Variants in GABPB2 observed in about 807,000 individuals in gnomAD.
GABPB2 encodes GA binding protein transcription factor subunit beta 2.
GABPB2 carries 23 observed loss-of-function variants against 39.1 expected under a neutral mutation model. That is an observed-to-expected ratio of 0.59 (90% confidence interval 0.42 to 0.83). GABPB2 has a LOEUF of 0.83. GABPB2 is among the 40% of genes least tolerant of loss of function. The pLI, the probability that GABPB2 is intolerant of heterozygous loss-of-function variation, is 0.00. For missense variants in GABPB2, 467 were observed against 541.1 expected (o/e 0.86, Z 1.36); for synonymous variants, 184 against 199.3 (o/e 0.92, Z 0.65).
At chr1:151,093,418 T>C in intron 4 of GABPB2, 32 bp downstream of exon 4, 2 of 1,488,456 alleles carry the variant, frequency 1.3e-6, no homozygotes, top group South Asian at 2.7e-5. Flanking sequence ...CCAGAATGTA[T>C]GTTAATTGAA....
At chr1:151,077,476 C>T (rs1677272218) in intron 1 of GABPB2, among the ~76,000 whole-genome samples, 1 of 150,966 alleles carries the variant, frequency 6.6e-6, no homozygotes, top group Non-Finnish European at 1.5e-5. Context: ...TCTGCCTCAG[C>T]CTCCTGAGTA....
chr1:151,098,114 C>A, intron 5 of GABPB2, 112 bp downstream of exon 5: 3 of 869,342 alleles, frequency 3.5e-6, no homozygotes, highest in Non-Finnish European at 5.3e-6. Context: ...AAAATATTGC[C>A]AAAGCAGAAG....
chr1:151,089,480 T>C (rs759176300), intron 2 of GABPB2, among the ~76,000 whole-genome samples: 4 of 152,204 alleles, frequency 2.6e-5, no homozygotes, highest in African/African-American at 9.6e-5. Flanking sequence ...GACTTACTTA[T>C]TGCTGTTGAT....
intron 7 of GABPB2, among the ~76,000 whole-genome samples, chr1:151,114,670 C>T (rs1680719756): frequency 6.9e-6 from 1 of 144,254 alleles, no homozygotes; most frequent in African/African-American, 2.6e-5. Flanking sequence ...TGTACTCCAC[C>T]TGGAGACAGA....
At chr1:151,109,438 A>G (rs1421359660) in intron 7 of GABPB2, among the ~76,000 whole-genome samples, 1 of 148,880 alleles carries the variant, frequency 6.7e-6, no homozygotes, top group Non-Finnish European at 1.5e-5. Flanking sequence ...GGCTCACTGC[A>G]ACCTCCACCT....
chr1:151,084,923 C>T (rs1005258396), intron 1 of GABPB2, among the ~76,000 whole-genome samples: 18 of 151,966 alleles, frequency 1.2e-4, no homozygotes, highest in African/African-American at 4.1e-4. Flanking sequence ...GTTGCAGACT[C>T]TGTCTCTACA....
chr1:151,117,259 G>C, intron 7 of GABPB2, 133 bp from the exon 8 acceptor site: 1 of 897,862 alleles, frequency 1.1e-6, no homozygotes, highest in Admixed American at 2.3e-5. Flanking sequence ...TGCCTGAGTA[G>C]CTAGGACCAC....
chr1:151,096,638 C>T (rs1679118165), intron 4 of GABPB2, among the ~76,000 whole-genome samples: 1 of 152,042 alleles, frequency 6.6e-6, no homozygotes. Flanking sequence ...AGCTACTTTT[C>T]ACCAAAATTG....
intron 2 of GABPB2, among the ~76,000 whole-genome samples, chr1:151,089,248 AAAAG>A (rs1319284332): frequency 5.3e-5 from 8 of 152,324 alleles, no homozygotes; most frequent in African/African-American, 1.9e-4. Context: ...GCATTTCACA[AAAAG>A]AAAGAAAAGG....
chr1:151,113,423 C>T (rs1680621406), intron 7 of GABPB2, among the ~76,000 whole-genome samples: 1 of 145,586 alleles, frequency 6.9e-6, no homozygotes, highest in Non-Finnish European at 1.5e-5. Context: ...GAGCAGAGAT[C>T]GTGCCACTGC....
intron 1 of GABPB2, 27 bp from the exon 2 acceptor site, chr1:151,088,163 T>C (rs1464966471): frequency 6.5e-7 from 1 of 1,546,562 alleles, no homozygotes; most frequent in Non-Finnish European, 8.9e-7. Flanking sequence ...TATAGCTACC[T>C]GAAAACTTTT....
At chr1:151,081,570 T>A (rs980799572) in intron 1 of GABPB2, among the ~76,000 whole-genome samples, 2 of 152,030 alleles carry the variant, frequency 1.3e-5, no homozygotes, top group Non-Finnish European at 2.9e-5. Flanking sequence ...AAGAGCATTG[T>A]TTTATATATT....
chr1:151,090,854 AG>A (rs1403899619), intron 3 of GABPB2, among the ~76,000 whole-genome samples: 1 of 151,562 alleles, frequency 6.6e-6, no homozygotes, highest in Admixed American at 6.6e-5. Context: ...AAAAATTAGC[AG>A]GACGTGGTGG....
In GABPB2 at chr1:151,109,914, C is replaced by A. The variant is rs587754991; in HGVS notation, c.922+2692C>A. ...AGTGCAGTGGCGTGATCTCGGCACA[C>A]TGCAGTCTCCGCCTTCCGGGTTCAA... On this transcript the variant is annotated intron_variant, in intron 7 of 8. Coordinates refer to ENST00000368918, the MANE Select transcript of GABPB2 (RefSeq NM_144618.3). Among the ~76,000 whole-genome samples, 32 of 151,244 alleles carry A rather than the reference C, an allele frequency of 2.1e-4. 1 individual carries two copies. In the South Asian group the frequency reaches 6.5e-3, roughly 31 times the overall value.
intron 1 of GABPB2, among the ~76,000 whole-genome samples, chr1:151,084,121 C>T (rs761448236): frequency 1.3e-5 from 2 of 151,184 alleles, no homozygotes; most frequent in Non-Finnish European, 2.9e-5. Flanking sequence ...CCGGGGTAGT[C>T]GGGTAGTCTC....
intron 5 of GABPB2, among the ~76,000 whole-genome samples, chr1:151,102,739 G>C (rs1219640581): frequency 6.6e-6 from 1 of 152,096 alleles, no homozygotes; most frequent in African/African-American, 2.4e-5. Flanking sequence ...ACAGCATCCG[G>C]CCATGAAACT....
chr1:151,095,036 T>G lies in GABPB2; in HGVS notation c.471+1650T>G, dbSNP rs1239631646. 3.4e-5 allele frequency among the ~76,000 whole-genome samples: 5 copies of G among 148,194 alleles called. No individual in the cohort carries two copies. The Admixed American group carries it at 3.4e-4, about 10-fold the overall frequency. ...AAAAAAAAAAAAAATTAATAGGACA[T>G]GAAGTGTTGAAAGCATGATAAAAGT... On this transcript the variant is annotated intron_variant, in intron 4 of 8. Transcript: ENST00000368918.
chr1:151,094,422 C>T (rs1264137167), intron 4 of GABPB2, among the ~76,000 whole-genome samples: 2 of 146,438 alleles, frequency 1.4e-5, no homozygotes, highest in Non-Finnish European at 3.0e-5. Context: ...AGTGCAATGG[C>T]ACGATCTCGG....
intron 1 of GABPB2, among the ~76,000 whole-genome samples, chr1:151,073,935 A>G (rs1478678386): frequency 6.6e-6 from 1 of 151,832 alleles, no homozygotes; most frequent in African/African-American, 2.4e-5. Flanking sequence ...AAAGTAAAGA[A>G]AAAAAGAATA....
Sources: allele counts gnomAD v4.1 joint callset (sites outside exome capture counted in the v4.1 genomes callset), GRCh38; gene constraint gnomAD v4.1.1; transcripts MANE v1.5; gene names NCBI Gene and HGNC (gene_info 2026-07-23, HGNC 2026-07-21).